RAB37: variants seen among roughly 807,000 people sequenced by gnomAD.
RAB37 encodes ras-related protein Rab-37.
RAB37 carries 29 observed loss-of-function variants against 33.1 expected under a neutral mutation model. The ratio of observed to expected loss-of-function variants is 0.88; its 90% CI spans 0.65 to 1.20. The LOEUF (loss-of-function observed/expected upper bound fraction) is 1.20. Ranked by LOEUF, RAB37 falls within the 50% of genes most tolerant of loss-of-function variation. The pLI, the probability that RAB37 is intolerant of heterozygous loss-of-function variation, is 0.00. For missense variants in RAB37, 299 were observed against 301.1 expected (o/e 0.99, Z 0.05); for synonymous variants, 128 against 119.5 (o/e 1.07, Z -0.47).
intron 1 of RAB37, among the ~76,000 whole-genome samples, chr17:74,718,581 A>AT: frequency 6.6e-6 from 1 of 152,252 alleles, no homozygotes; most frequent in South Asian, 2.1e-4. Context: ...GGAAAAAAAA[A>AT]CAAGCGTTTG....
At chr17:74,712,383 C>G (rs912392495) in intron 1 of RAB37, among the ~76,000 whole-genome samples, 2 of 152,148 alleles carry the variant, frequency 1.3e-5, no homozygotes, top group African/African-American at 4.8e-5. Context: ...AACCACCACT[C>G]CCTCTCTGCC....
At chr17:74,715,210 C>T (rs910410709) in intron 1 of RAB37, among the ~76,000 whole-genome samples, 1 of 152,216 alleles carries the variant, frequency 6.6e-6, no homozygotes, top group Non-Finnish European at 1.5e-5. Flanking sequence ...GTGTCACATA[C>T]ACCCTGTGAC....
Position 74,671,738 on chromosome 17 carries a change from C to A in RAB37, c.72+80C>A. On this transcript the variant is annotated intron_variant, in intron 1 of 7. Transcript: ENST00000340415. The surrounding 1 kb of genome is among the most constrained non-coding windows in gnomAD (Gnocchi z 5.0). ...AGTTTTCTCCACTCCCCTGACTTTGCTTTGGGACTTAATGAGAAACTAGCT... is the reference window on the plus strand; with the variant it reads ...AGTTTTCTCCACTCCCCTGACTTTGATTTGGGACTTAATGAGAAACTAGCT... The A allele has an allele frequency of 1.6e-6, 2 of 1,263,948 alleles. No individual in the cohort carries two copies. Among genetic ancestry groups the A allele is most frequent in the Non-Finnish European group, 2.3e-6 (2 of 868,494 alleles). The allele number at this position is 1,263,948 out of a possible 1,614,324, so 78.3% of individuals were successfully genotyped here.
At chr17:74,696,506 G>A (rs760673012) in intron 1 of RAB37, among the ~76,000 whole-genome samples, 6 of 152,168 alleles carry the variant, frequency 3.9e-5, no homozygotes, top group Admixed American at 2.0e-4. Context: ...GCCAGCCATC[G>A]GCTCCCCTGG....
Position 74,671,496 on chromosome 17 carries a change from G to A in RAB37, c.-91G>A, listed in dbSNP as rs567187441. The A allele has an allele frequency of 7.9e-7, 1 of 1,259,328 alleles. No individual in the cohort carries two copies. Among genetic ancestry groups the A allele is most frequent in the East Asian group, 2.4e-5 (1 of 42,488 alleles). The allele number at this position is 1,259,328 out of a possible 1,614,324, so 78.0% of individuals were successfully genotyped here. A position where few individuals can be genotyped will look rare whatever the true frequency, so the allele number is the denominator to read the frequency against. On this transcript the variant is annotated 5_prime_UTR_variant, in exon 1 of 8. Transcript: ENST00000340415. The surrounding 1 kb of genome is among the most constrained non-coding windows in gnomAD (Gnocchi z 5.0). ...CCCGGCCCGCAGAGCTCAGACCCAAGCCTGCCGCACCCAGCGGAGCTCGAA... is the reference window on the plus strand; with the variant it reads ...CCCGGCCCGCAGAGCTCAGACCCAAACCTGCCGCACCCAGCGGAGCTCGAA...
intron 1 of RAB37, among the ~76,000 whole-genome samples, chr17:74,700,898 T>C (rs998459355): frequency 1.3e-5 from 2 of 151,864 alleles, no homozygotes; most frequent in Admixed American, 6.6e-5. Flanking sequence ...AAAGAGGTGA[T>C]TGAGGTTAAG....
chr17:74,706,262 A>G (rs574922549), intron 1 of RAB37, among the ~76,000 whole-genome samples: 2 of 149,054 alleles, frequency 1.3e-5, no homozygotes, highest in East Asian at 3.9e-4. Flanking sequence ...AAAATAAAAA[A>G]CATTTTAAAG....
chr17:74,740,764 C>G lies in RAB37; in HGVS notation c.94-4C>G. Reference sequence around the variant, plus strand: ...CATTAACTGCCTCTGCCCCTACCCCCTAGGTGATGCTTCTGGGAGACACAG... The same window carrying G: ...CATTAACTGCCTCTGCCCCTACCCCGTAGGTGATGCTTCTGGGAGACACAG... On this transcript the variant is annotated splice_region_variant and splice_polypyrimidine_tract_variant and intron_variant, in intron 1 of 8. Coordinates refer to ENST00000392613, the MANE Select transcript of RAB37 (RefSeq NM_001006638.3). 1 of 1,609,466 alleles carries G rather than the reference C, an allele frequency of 6.2e-7. No homozygotes were observed. Among genetic ancestry groups the G allele is most frequent in the Non-Finnish European group, 8.5e-7 (1 of 1,175,938 alleles).
intron 1 of RAB37, among the ~76,000 whole-genome samples, chr17:74,725,703 A>G (rs2034297836): frequency 1.3e-5 from 2 of 151,384 alleles, no homozygotes; most frequent in South Asian, 4.2e-4. Context: ...GGCTCACCGC[A>G]ACCTCCACCA....
intron 1 of RAB37, chr17:74,703,056 G>T: frequency 1.2e-6 from 2 of 1,614,004 alleles, no homozygotes. Flanking sequence ...GTGGTGGCCG[G>T]TCAGAGTTGG....
upstream of RAB37, among the ~76,000 whole-genome samples, chr17:74,734,469 T>C (rs1431386812): frequency 6.6e-6 from 1 of 152,174 alleles, no homozygotes; most frequent in Non-Finnish European, 1.5e-5. Context: ...CATAACAGCA[T>C]GGTTTACAGT....
At chr17:74,695,646 G>T (rs1162785137) in intron 1 of RAB37, 2 of 1,597,470 alleles carry the variant, frequency 1.3e-6, no homozygotes, top group African/African-American at 1.3e-5. Flanking sequence ...GCAGGAGAAA[G>T]CCCACCCTCC....
upstream of RAB37, among the ~76,000 whole-genome samples, chr17:74,734,561 T>C (rs879804572): frequency 6.6e-6 from 1 of 152,156 alleles, no homozygotes; most frequent in Non-Finnish European, 1.5e-5. Context: ...ACCCGCATCC[T>C]GGCTGGGCAC....
chr17:74,724,805 T>C (rs1265153284), intron 1 of RAB37, among the ~76,000 whole-genome samples: 1 of 152,142 alleles, frequency 6.6e-6, no homozygotes, highest in Non-Finnish European at 1.5e-5. Context: ...ATCACAATGG[T>C]GGAATGTGAT....
intron 1 of RAB37, among the ~76,000 whole-genome samples, chr17:74,683,292 G>A (rs2031989999): frequency 6.6e-6 from 1 of 152,216 alleles, no homozygotes. Flanking sequence ...GACCATCCAG[G>A]GAAGAGGTTG....
At chr17:74,718,751 C>A (rs1204690557) in intron 1 of RAB37, among the ~76,000 whole-genome samples, 3 of 152,154 alleles carry the variant, frequency 2.0e-5, no homozygotes, top group Non-Finnish European at 4.4e-5. Flanking sequence ...ACAAAGAATG[C>A]ATCTTAAGTC....
At position 74,711,236 on chromosome 17, in the gene RAB37, T is replaced by C. The variant is rs541782344; in HGVS notation, c.73-18020T>C. Among the ~76,000 whole-genome samples, 5 of 152,218 alleles carry C rather than the reference T, an allele frequency of 3.3e-5. No homozygotes were observed. In the East Asian group the frequency reaches 7.7e-4, roughly 24 times the overall value. On this transcript the variant is annotated intron_variant, in intron 1 of 7. Transcript: ENST00000340415. The stretch of plus-strand genomic sequence containing the variant: ...GGTTCACAGTGGTATCCGGGCTCCA[T>C]GTTGGCGCCCATAGCTGTGCCTGCT...
chr17:74,730,165 C>T lies in RAB37; in HGVS notation c.183+799C>T, dbSNP rs1459425132. ...TTGGGAGAGGGTTCCACTCCTCTCTCGGGCTGTGGCAGGAAGAGCAGGGCC... is the reference window on the plus strand; with the variant it reads ...TTGGGAGAGGGTTCCACTCCTCTCTTGGGCTGTGGCAGGAAGAGCAGGGCC... On this transcript the variant is annotated intron_variant, in intron 2 of 7. Transcript: ENST00000340415. The surrounding 1 kb of genome is among the most constrained non-coding windows in gnomAD (Gnocchi z 4.4). Among the ~76,000 whole-genome samples the T allele has an allele frequency of 1.3e-5, 2 of 152,144 alleles. No homozygotes were observed. Among genetic ancestry groups the T allele is most frequent in the Non-Finnish European group, 2.9e-5 (2 of 68,020 alleles).
intron 1 of RAB37, among the ~76,000 whole-genome samples, chr17:74,693,482 G>C (rs1025345468): frequency 6.6e-6 from 1 of 152,234 alleles, no homozygotes; most frequent in African/African-American, 2.4e-5. Context: ...GGACGAGAAT[G>C]GACTCCATGG....
Sources: allele counts gnomAD v4.1 joint callset (sites outside exome capture counted in the v4.1 genomes callset), GRCh38; gene constraint gnomAD v4.1.1; non-coding constraint Gnocchi (gnomAD v3.1); transcripts MANE v1.5; gene names NCBI Gene and HGNC (gene_info 2026-07-23, HGNC 2026-07-21).